Variants in FGF14 observed in about 807,000 individuals in gnomAD.
FGF14 encodes the protein fibroblast growth factor homologous factor 4.
Under a neutral mutation model 25.5 loss-of-function variants are expected in FGF14, and 5 were observed. The observed-to-expected ratio is 0.20, with a 90% CI of 0.10 to 0.41. The LOEUF is 0.41. FGF14 is among the 10% of genes least tolerant of loss of function. FGF14 has a pLI of 1.00. For synonymous variants in FGF14, 138 were observed against 118.3 expected (o/e 1.17, Z -1.08); for missense variants, 222 against 320.1 (o/e 0.69, Z 2.34).
At chr13:102,046,086 A>G (rs2140025183) in intron 1 of FGF14, 1 of 154,446 alleles carries the variant, frequency 6.5e-6, no homozygotes, top group East Asian at 1.9e-4. Context: ...CACTTCTTGC[A>G]CAAGAAAAAA....
chr13:101,952,059 T>C lies in FGF14; in HGVS notation c.209-76763A>G, dbSNP rs79616993. ...TTATTTAATTAAACCCAGTCAACATTTGTCAAGTGCCTACTATTTTAAATG... is the reference window on the plus strand; with the variant it reads ...TTATTTAATTAAACCCAGTCAACATCTGTCAAGTGCCTACTATTTTAAATG... On this transcript the variant is annotated intron_variant, in intron 1 of 4. Coordinates refer to the FGF14 transcript ENST00000376131. Among the ~76,000 whole-genome samples, 548 of 152,358 alleles carry C rather than the reference T, an allele frequency of 3.6e-3. 4 individuals carry two copies. In the Middle Eastern group the frequency reaches 0.054, roughly 15 times the overall value.
chr13:101,943,812 TAAAA>T (rs58741547), intron 1 of FGF14, among the ~76,000 whole-genome samples: 27 of 134,242 alleles, frequency 2.0e-4, no homozygotes, highest in South Asian at 2.3e-4. Context: ...TGTCTCTACT[TAAAA>T]AAAAAAAAAA....
At chr13:102,036,163 G>A (rs1477014668) in intron 1 of FGF14, among the ~76,000 whole-genome samples, 1 of 152,078 alleles carries the variant, frequency 6.6e-6, no homozygotes, top group Non-Finnish European at 1.5e-5. Context: ...GCTCACTGAA[G>A]CCTGAAAACC....
At chr13:102,354,385 T>G (rs2057368120) in intron 1 of FGF14, among the ~76,000 whole-genome samples, 1 of 152,174 alleles carries the variant, frequency 6.6e-6, no homozygotes, top group Non-Finnish European at 1.5e-5. Flanking sequence ...CACATGTAAA[T>G]TCTGTATTCA....
intron 3 of FGF14, among the ~76,000 whole-genome samples, chr13:101,793,829 G>T (rs954968162): frequency 2.0e-5 from 3 of 152,046 alleles, no homozygotes; most frequent in Admixed American, 6.6e-5. Context: ...TAGGGCTGTT[G>T]TGTGATTTAT....
intron 3 of FGF14, among the ~76,000 whole-genome samples, chr13:101,838,129 C>G (rs1243723918): frequency 1.3e-5 from 2 of 151,912 alleles, no homozygotes; most frequent in Non-Finnish European, 2.9e-5. Flanking sequence ...TCATATGAGT[C>G]AATATTGCTT....
At chr13:102,205,026 T>G (rs558779305) in intron 1 of FGF14, among the ~76,000 whole-genome samples, 11 of 152,312 alleles carry the variant, frequency 7.2e-5, no homozygotes, top group Non-Finnish European at 1.3e-4. Context: ...AGAGTATATG[T>G]ATTTTCCTTC....
intron 1 of FGF14, among the ~76,000 whole-genome samples, chr13:101,931,942 A>C (rs2139246062): frequency 6.6e-6 from 1 of 152,334 alleles, no homozygotes; most frequent in South Asian, 2.1e-4. Context: ...ACACTTCTAA[A>C]AGGTTCTCTG....
At chr13:101,831,374 A>G (rs1253566028) in intron 3 of FGF14, among the ~76,000 whole-genome samples, 2 of 151,822 alleles carry the variant, frequency 1.3e-5, no homozygotes, top group African/African-American at 4.8e-5. Flanking sequence ...GAGCCACCAT[A>G]CCCAACCTGT....
intron 1 of FGF14, among the ~76,000 whole-genome samples, chr13:102,091,475 A>G (rs997677871): frequency 2.6e-5 from 4 of 152,216 alleles, no homozygotes; most frequent in Admixed American, 1.3e-4. Flanking sequence ...CACCAACAGC[A>G]GAGCCTCCTT....
At chr13:102,341,086 G>A (rs927457300) in intron 1 of FGF14, among the ~76,000 whole-genome samples, 2 of 152,060 alleles carry the variant, frequency 1.3e-5, no homozygotes, top group Non-Finnish European at 2.9e-5. Context: ...TACCTTCAGG[G>A]CAAAATTAAC....
intron 1 of FGF14, among the ~76,000 whole-genome samples, chr13:101,895,621 G>A (rs1004067529): frequency 6.6e-6 from 1 of 152,118 alleles, no homozygotes; most frequent in Non-Finnish European, 1.5e-5. Flanking sequence ...ATACCTGCCC[G>A]AGAGAAGTAA....
chr13:101,803,035 GC>G (rs1298525786), intron 3 of FGF14, among the ~76,000 whole-genome samples: 4 of 151,966 alleles, frequency 2.6e-5, no homozygotes, highest in Non-Finnish European at 5.9e-5. Flanking sequence ...TAGTCAGATA[GC>G]ATTCTGCTGC....
In FGF14 at chr13:101,779,542, TTA is replaced by T. The variant is rs1421926831; in HGVS notation, c.409-52734_409-52733del. Among the ~76,000 whole-genome samples, 3 of 152,216 alleles carry T rather than the reference TTA, an allele frequency of 2.0e-5. No individual in the cohort carries two copies. In the East Asian group the frequency reaches 5.8e-4, roughly 29 times the overall value. On this transcript the variant is annotated intron_variant, in intron 3 of 4. Transcript: ENST00000376143. ...TTAGCAATATTTTTACATAAAACCA[TTA>T]TGTGTTTAAATTTATATAAATTCCA...
At chr13:101,803,506 A>G (rs548055495) in intron 3 of FGF14, among the ~76,000 whole-genome samples, 1 of 152,284 alleles carries the variant, frequency 6.6e-6, no homozygotes, top group East Asian at 1.9e-4. Flanking sequence ...ATCAAAGTTC[A>G]AGAACCTCTG....
chr13:102,199,401 G>T (rs1182245592), intron 1 of FGF14, among the ~76,000 whole-genome samples: 1 of 152,198 alleles, frequency 6.6e-6, no homozygotes, highest in Non-Finnish European at 1.5e-5. Flanking sequence ...GTGAGTTGGT[G>T]AGTTAAAGTG....
intron 3 of FGF14, among the ~76,000 whole-genome samples, chr13:101,774,909 C>T (rs1270884330): frequency 6.7e-6 from 1 of 148,210 alleles, no homozygotes; most frequent in Non-Finnish European, 1.5e-5. Context: ...AAAAATTAGC[C>T]AGTGAGCCGA....
Position 101,718,552 on chromosome 13 carries a change from T to C in FGF14, c.*4279A>G, listed in dbSNP as rs898756654. 7 of 139,846 alleles carry C rather than the reference T, an allele frequency of 5.0e-5. No homozygotes were observed. Among genetic ancestry groups the C allele is most frequent in the Non-Finnish European group, 1.1e-4 (7 of 64,826 alleles). 8.7% of individuals were successfully genotyped at this position (139,846 alleles called of 1,614,324 possible). On this transcript the variant is annotated 3_prime_UTR_variant, in exon 5 of 5. Transcript: ENST00000376143. Reference sequence around the variant, plus strand: ...TTAGAGAAGGTGTTGGCACTAACGCTGCTTGTTTGGCAAATCATCATCACT... The same window carrying C: ...TTAGAGAAGGTGTTGGCACTAACGCCGCTTGTTTGGCAAATCATCATCACT...
At chr13:102,230,515 C>A (rs2140990522) in intron 1 of FGF14, among the ~76,000 whole-genome samples, 1 of 152,200 alleles carries the variant, frequency 6.6e-6, no homozygotes, top group Middle Eastern at 3.4e-3. Flanking sequence ...TCATTTATAC[C>A]AGCTCCCCCT....
Sources: gnomAD v4.1 joint callset for allele counts (sites outside exome capture counted in the v4.1 genomes callset) on GRCh38, gnomAD v4.1.1 for gene constraint, MANE v1.5 for transcripts, NCBI Gene and HGNC (gene_info 2026-07-23, HGNC 2026-07-21) for gene names.